Variants in RAB27A observed in about 807,000 individuals in gnomAD.
RAB27A encodes ras-related protein Rab-27A.
RAB27A carries 17 observed loss-of-function variants against 20.8 expected under a neutral mutation model. That is an observed-to-expected ratio of 0.82 (90% CI 0.56 to 1.23). The LOEUF is 1.23. Ranked by LOEUF, RAB27A falls within the 50% of genes most tolerant of loss-of-function variation. RAB27A has a pLI of 0.00. For synonymous variants in RAB27A, 85 were observed against 92.8 expected, an observed-to-expected ratio of 0.92 and a Z score of 0.48; for missense variants, 277 against 266.7, an observed-to-expected ratio of 1.04 and a Z score of -0.27.
chr15:55,214,305 G>A (rs1457145212), intron 6 of RAB27A, among the ~76,000 whole-genome samples: 2 of 152,152 alleles, frequency 1.3e-5, no homozygotes, highest in South Asian at 2.1e-4. Context: ...GCATGGTGGT[G>A]GACGCCTGTA....
At position 55,279,142 on chromosome 15, in the gene RAB27A, C is replaced by T. The variant is rs1324823640; in HGVS notation, c.-142-8858G>A. Among the ~76,000 whole-genome samples the T allele has an allele frequency of 3.3e-5, 5 of 152,156 alleles. No individual in the cohort carries two copies. The South Asian group carries it at 8.3e-4, about 25-fold the overall frequency. ...GGAACCCTCTAAGAAGCAGTAGAGACAGCAGAAAGAGCCAGGCAGATAAGA... is the reference window on the plus strand; with the variant it reads ...GGAACCCTCTAAGAAGCAGTAGAGATAGCAGAAAGAGCCAGGCAGATAAGA... On this transcript the variant is annotated intron_variant, in intron 1 of 6. Transcript: ENST00000336787.
chr15:55,317,690 C>A, intron 1 of RAB27A: 1 of 398,600 alleles, frequency 2.5e-6, no homozygotes, highest in Non-Finnish European at 4.4e-6. Flanking sequence ...TCCTTCTGAT[C>A]TTTGGCATAC....
chr15:55,210,603 T>A (rs1435136262), intron 6 of RAB27A, among the ~76,000 whole-genome samples: 1 of 152,152 alleles, frequency 6.6e-6, no homozygotes, highest in East Asian at 1.9e-4. Context: ...TTTTGCCTAT[T>A]TTTAAAACAG....
chr15:55,256,024 G>C (rs1407745525), intron 2 of RAB27A, among the ~76,000 whole-genome samples: 1 of 152,176 alleles, frequency 6.6e-6, no homozygotes, highest in African/African-American at 2.4e-5. Context: ...AAGGATTAAA[G>C]GGTACATTAT....
chr15:55,232,975 A>G (rs1468252874), intron 3 of RAB27A, among the ~76,000 whole-genome samples: 7 of 151,962 alleles, frequency 4.6e-5, no homozygotes, highest in Admixed American at 3.9e-4. Context: ...AATATAAACA[A>G]TTAGCCGGGT....
chr15:55,235,423 G>A (rs1036587826), intron 2 of RAB27A, among the ~76,000 whole-genome samples: 3 of 151,684 alleles, frequency 2.0e-5, no homozygotes, highest in Non-Finnish European at 2.9e-5. Flanking sequence ...ACTCCAGCCT[G>A]GGCAACAAGA....
At chr15:55,263,631 T>C (rs1429325234) in intron 2 of RAB27A, among the ~76,000 whole-genome samples, 1 of 152,248 alleles carries the variant, frequency 6.6e-6, no homozygotes, top group Non-Finnish European at 1.5e-5. Flanking sequence ...ATAACGTTTA[T>C]GCATTCTGTA....
chr15:55,219,125 T>G (rs556618479), intron 6 of RAB27A, among the ~76,000 whole-genome samples: 2 of 152,278 alleles, frequency 1.3e-5, no homozygotes, highest in East Asian at 3.9e-4. Flanking sequence ...CTATCCTCTG[T>G]GAATAAAGTA....
intron 2 of RAB27A, among the ~76,000 whole-genome samples, chr15:55,266,803 C>A (rs549812025): frequency 1.3e-5 from 2 of 152,170 alleles, no homozygotes; most frequent in Non-Finnish European, 2.9e-5. Context: ...TCTCAACTAC[C>A]ACATTACACT....
chr15:55,209,882 GTGTATACATATA>G (rs1566896324), intron 6 of RAB27A, among the ~76,000 whole-genome samples: 6 of 86,144 alleles, frequency 7.0e-5, no homozygotes, highest in African/African-American at 3.0e-4. Context: ...ATATATGTGT[GTGTATACATATA>G]TACACATATG....
chr15:55,227,064 T>C (rs763581073), intron 5 of RAB27A, among the ~76,000 whole-genome samples: 3 of 152,200 alleles, frequency 2.0e-5, no homozygotes, highest in Admixed American at 6.5e-5. Flanking sequence ...TTCTATTAAA[T>C]ATATAAAATC....
At chr15:55,286,678 T>C (rs1898162697) in intron 1 of RAB27A, among the ~76,000 whole-genome samples, 1 of 152,002 alleles carries the variant, frequency 6.6e-6, no homozygotes, top group Non-Finnish European at 1.5e-5. Context: ...ATGCAAGGGT[T>C]GTATAGACCA....
intron 6 of RAB27A, among the ~76,000 whole-genome samples, chr15:55,207,742 G>A (rs1427015625): frequency 2.6e-5 from 4 of 152,108 alleles, no homozygotes; most frequent in African/African-American, 9.7e-5. Flanking sequence ...GAGTGTAATG[G>A]TGTGATATTG....
chr15:55,272,906 C>A (rs151167331), intron 1 of RAB27A, among the ~76,000 whole-genome samples: 6 of 152,090 alleles, frequency 3.9e-5, no homozygotes, highest in African/African-American at 1.2e-4. Flanking sequence ...ATTCAGAACC[C>A]CAAAACTTCT....
rs1158992858 is a variant in RAB27A, at chr15:55,209,880, G to GTGTATACATATATACACATATA, written c.468-4176_468-4175insTATATGTGTATATATGTATACA. On this transcript the variant is annotated intron_variant, in intron 6 of 6. Coordinates refer to ENST00000336787, the MANE Select transcript of RAB27A (RefSeq NM_183235.3). The stretch of plus-strand genomic sequence containing the variant: ...TGTATATACATATATACATATATGT[G>GTGTATACATATATACACATATA]TGTGTATACATATATACACATATGT... Among the ~76,000 whole-genome samples, 139 of 106,548 alleles carry GTGTATACATATATACACATATA rather than the reference G, an allele frequency of 1.3e-3. 1 individual carries two copies. Among genetic ancestry groups the GTGTATACATATATACACATATA allele is most frequent in the Middle Eastern group, 4.6e-3 (1 of 216 alleles). The allele number at this position is 106,548 out of a possible 152,430, so 69.9% of individuals were successfully genotyped here. A position where few individuals can be genotyped will look rare whatever the true frequency, so the allele number is the denominator to read the frequency against.
At chr15:55,261,150 G>C (rs2141067244) in intron 2 of RAB27A, among the ~76,000 whole-genome samples, 1 of 152,228 alleles carries the variant, frequency 6.6e-6, no homozygotes, top group South Asian at 2.1e-4. Flanking sequence ...TGTAATCCCA[G>C]CACTTTGGGA....
intron 2 of RAB27A, among the ~76,000 whole-genome samples, chr15:55,258,508 T>A (rs1039534830): frequency 6.6e-6 from 1 of 152,318 alleles, no homozygotes; most frequent in South Asian, 2.1e-4. Flanking sequence ...TCTGAACCAA[T>A]TCAGTGCACA....
chr15:55,304,221 G>C (rs2054987954), intron 2 of RAB27A, among the ~76,000 whole-genome samples: 1 of 151,188 alleles, frequency 6.6e-6, no homozygotes, highest in Admixed American at 6.6e-5. Context: ...AATGGATTAA[G>C]GGCGGTGCAA....
chr15:55,316,945 G>C (rs1477248467), intron 1 of RAB27A, among the ~76,000 whole-genome samples: 1 of 152,162 alleles, frequency 6.6e-6, no homozygotes, highest in East Asian at 1.9e-4. Context: ...ATTTCTGCCT[G>C]AGGTAGTTTA....
Sources: allele counts gnomAD v4.1 joint callset (sites outside exome capture counted in the v4.1 genomes callset), GRCh38; gene constraint gnomAD v4.1.1; transcripts MANE v1.5; gene names NCBI Gene and HGNC (gene_info 2026-07-23, HGNC 2026-07-21).